The following MTUS2 variants were observed in gnomAD, a reference collection of about 807,000 sequenced individuals.
The protein encoded by MTUS2 is microtubule-associated tumor suppressor candidate 2.
In MTUS2, 40 loss-of-function variants were observed where a neutral mutation model predicts 114.1. That is an observed-to-expected ratio of 0.35 (90% CI 0.27 to 0.46). The LOEUF is 0.46. Among genes scored for constraint, MTUS2 ranks in the 20% least tolerant of loss-of-function variants. MTUS2 has a pLI of 1.00. For missense variants in MTUS2, 1,679 were observed against 1,705.4 expected, an observed-to-expected ratio of 0.98 and a Z score of 0.27; for synonymous variants, 688 against 672.0, an observed-to-expected ratio of 1.02 and a Z score of -0.37.
chr13:29,274,897 A>AT (rs947858101), intron 5 of MTUS2, among the ~76,000 whole-genome samples: 20 of 151,380 alleles, frequency 1.3e-4, no homozygotes, highest in South Asian at 1.0e-3. Flanking sequence ...GCCCCAGCTA[A>AT]TTTTTTTTTA....
intron 2 of MTUS2, among the ~76,000 whole-genome samples, chr13:28,875,262 T>A (rs1277731855): frequency 6.6e-6 from 1 of 152,196 alleles, no homozygotes; most frequent in African/African-American, 2.4e-5. Flanking sequence ...TAGATACTGT[T>A]GGTTCTTGAT....
intron 9 of MTUS2, among the ~76,000 whole-genome samples, chr13:29,441,885 C>A (rs1020268968): frequency 2.6e-5 from 4 of 152,146 alleles, no homozygotes. Flanking sequence ...ACTACCTTAT[C>A]AAAAAGGATT....
intron 5 of MTUS2, among the ~76,000 whole-genome samples, chr13:29,190,229 T>C (rs1894391343): frequency 6.6e-6 from 1 of 152,216 alleles, no homozygotes. Flanking sequence ...ATAACATAGC[T>C]AATACCTAAC....
chr13:28,978,382 T>C (rs1009763968), intron 2 of MTUS2, among the ~76,000 whole-genome samples: 7 of 152,128 alleles, frequency 4.6e-5, no homozygotes, highest in African/African-American at 1.7e-4. Flanking sequence ...AGAGAAGCAG[T>C]CAGGAATGCA....
chr13:29,439,723 T>A (rs1284251892), intron 8 of MTUS2, among the ~76,000 whole-genome samples: 1 of 152,292 alleles, frequency 6.6e-6, no homozygotes, highest in East Asian at 1.9e-4. Flanking sequence ...CAGGATGATA[T>A]ACAGGAGTGT....
intron 5 of MTUS2, among the ~76,000 whole-genome samples, chr13:29,130,937 G>A (rs992737331): frequency 2.0e-5 from 3 of 152,166 alleles, no homozygotes; most frequent in Non-Finnish European, 4.4e-5. Flanking sequence ...TTATTTTTAT[G>A]TGTATTGATA....
intron 6 of MTUS2, among the ~76,000 whole-genome samples, chr13:29,317,388 A>G (rs1900036713): frequency 6.6e-6 from 1 of 152,008 alleles, no homozygotes; most frequent in African/African-American, 2.4e-5. Flanking sequence ...TAGTCCTTGC[A>G]TCTAACTCTC....
chr13:28,931,843 A>C (rs1259435778), intron 2 of MTUS2, among the ~76,000 whole-genome samples: 1 of 151,856 alleles, frequency 6.6e-6, no homozygotes, highest in Admixed American at 6.6e-5. Flanking sequence ...CCCACCCCAC[A>C]ACAGTCCCCG....
intron 5 of MTUS2, among the ~76,000 whole-genome samples, chr13:29,146,158 T>G (rs1013126191): frequency 8.5e-5 from 13 of 152,334 alleles, no homozygotes; most frequent in African/African-American, 3.1e-4. Context: ...CCAAAGAATG[T>G]CAACACCTTT....
intron 6 of MTUS2, among the ~76,000 whole-genome samples, chr13:29,317,052 CCTTAT>C (rs1196375149): frequency 6.6e-6 from 1 of 152,160 alleles, no homozygotes; most frequent in East Asian, 1.9e-4. Context: ...ACTCTTCTGT[CCTTAT>C]CTTTTCATAA....
At chr13:29,091,422 T>C (rs80116131) in intron 4 of MTUS2, among the ~76,000 whole-genome samples, 3,784 of 152,208 alleles carry the variant, frequency 0.025, 172 homozygotes, top group African/African-American at 0.086. Context: ...GCAACTAAGA[T>C]ATTTAAGGTC....
intron 6 of MTUS2, among the ~76,000 whole-genome samples, chr13:29,321,551 G>A (rs937261436): frequency 1.3e-5 from 2 of 152,210 alleles, no homozygotes; most frequent in Admixed American, 1.3e-4. Flanking sequence ...TGCCAGCAAA[G>A]GGAGGGTAAA....
intron 8 of MTUS2, among the ~76,000 whole-genome samples, chr13:29,395,965 C>CAAGT (rs1377081820): frequency 6.6e-6 from 1 of 152,144 alleles, no homozygotes; most frequent in East Asian, 1.9e-4. Flanking sequence ...TAACACTGAG[C>CAAGT]AAGTACTCCT....
intron 4 of MTUS2, among the ~76,000 whole-genome samples, chr13:29,056,659 C>T (rs1220049520): frequency 6.6e-6 from 1 of 151,668 alleles, no homozygotes; most frequent in Non-Finnish European, 1.5e-5. Context: ...TGGTAATGTC[C>T]CCTTTATCAT....
chr13:28,859,269 T>C (rs938516255), intron 2 of MTUS2, among the ~76,000 whole-genome samples: 52 of 152,296 alleles, frequency 3.4e-4, no homozygotes, highest in African/African-American at 1.1e-3. Context: ...CAGTGGGAAC[T>C]GTGGGCTGCT....
At chr13:28,926,374 A>G (rs1227791143) in intron 2 of MTUS2, among the ~76,000 whole-genome samples, 1 of 152,216 alleles carries the variant, frequency 6.6e-6, no homozygotes, top group Non-Finnish European at 1.5e-5. Flanking sequence ...GACATGGATT[A>G]ACAATTGGTG....
chr13:29,306,444 G>A (rs925719745), intron 6 of MTUS2, among the ~76,000 whole-genome samples: 14 of 152,100 alleles, frequency 9.2e-5, no homozygotes, highest in African/African-American at 3.1e-4. Context: ...GCAAAGTCTC[G>A]GGATATAAAA....
intron 2 of MTUS2, among the ~76,000 whole-genome samples, chr13:28,856,221 G>A (rs1219699660): frequency 6.6e-6 from 1 of 152,216 alleles, no homozygotes; most frequent in Non-Finnish European, 1.5e-5. Flanking sequence ...CCTTTGAAAT[G>A]TGTCTGTGTG....
chr13:29,426,982 C>T (rs60454550), intron 8 of MTUS2, among the ~76,000 whole-genome samples: 3,556 of 152,216 alleles, frequency 0.023, 140 homozygotes, highest in African/African-American at 0.081. Context: ...GCTTTCAGCC[C>T]AGGTTTGAGC....
Sources: allele counts gnomAD v4.1 joint callset (sites outside exome capture counted in the v4.1 genomes callset), GRCh38; gene constraint gnomAD v4.1.1; transcripts MANE v1.5; gene names NCBI Gene and HGNC (gene_info 2026-07-23, HGNC 2026-07-21).